Variants in NATD1 observed in about 807,000 individuals in gnomAD.
NATD1 encodes the protein protein NATD1.
In NATD1, 9 loss-of-function variants were observed where a neutral mutation model predicts 12.0. The ratio of observed to expected loss-of-function variants is 0.75; its 90% confidence interval spans 0.45 to 1.30. The LOEUF is 1.30. NATD1 is among the 50% of genes most tolerant of loss of function. NATD1 has a pLI of 0.00. For synonymous variants in NATD1, 71 were observed against 65.9 expected (o/e 1.08, Z -0.37); for missense variants, 148 against 148.5 (o/e 1.00, Z 0.02).
chr17:21,253,031 G>A, intron 1 of NATD1, 128 bp downstream of exon 1: 1 of 356,438 alleles, frequency 2.8e-6, no homozygotes. Flanking sequence ...GCTTGCAACA[G>A]CCTTCCCGGG....
Position 21,251,672 on chromosome 17 carries a change from C to T in NATD1, c.106+1487G>A, listed in dbSNP as rs1189026426. ...TCCCATCCACGAAGCTGTAGTGGGG[C>T]CTGGCTCGACACTCGGCACATTCCA... On this transcript the variant is annotated intron_variant, in intron 1 of 2. Transcript: ENST00000611551. Among the ~76,000 whole-genome samples the T allele has an allele frequency of 5.3e-5, 8 of 152,344 alleles. No individual in the cohort carries two copies. In the East Asian group the frequency reaches 1.5e-3, roughly 29 times the overall value.
intron 1 of NATD1, among the ~76,000 whole-genome samples, chr17:21,245,503 C>A (rs961775970): frequency 6.6e-6 from 1 of 152,206 alleles, no homozygotes; most frequent in Non-Finnish European, 1.5e-5. Flanking sequence ...CTGGGGCCAA[C>A]GGCAGCAAGG....
At chr17:21,246,016 C>G (rs936914210) in intron 1 of NATD1, among the ~76,000 whole-genome samples, 2 of 152,176 alleles carry the variant, frequency 1.3e-5, no homozygotes, top group Non-Finnish European at 2.9e-5. Context: ...GAGCAGAGAT[C>G]GGAGGCTATT....
chr17:21,250,128 T>A (rs1975361753), intron 1 of NATD1, among the ~76,000 whole-genome samples: 1 of 152,204 alleles, frequency 6.6e-6, no homozygotes, highest in Non-Finnish European at 1.5e-5. Context: ...CTCAGGACCC[T>A]CCTGGGAGCC....
intron 1 of NATD1, among the ~76,000 whole-genome samples, chr17:21,249,825 G>A (rs1975359647): frequency 6.6e-6 from 1 of 152,184 alleles, no homozygotes; most frequent in Non-Finnish European, 1.5e-5. Context: ...TGGCTTAGCT[G>A]CCTACAGGCT....
At chr17:21,249,252 G>A (rs1024338025) in intron 1 of NATD1, among the ~76,000 whole-genome samples, 3 of 152,184 alleles carry the variant, frequency 2.0e-5, no homozygotes, top group South Asian at 2.1e-4. Flanking sequence ...TGAGGTAGAC[G>A]GAGGCAGAGC....
intron 1 of NATD1, among the ~76,000 whole-genome samples, chr17:21,251,298 A>AG (rs1567646531): frequency 6.6e-6 from 1 of 150,656 alleles, no homozygotes; most frequent in African/African-American, 2.4e-5. Context: ...AAAAAGAAAA[A>AG]AAAAAAAAAA....
rs1306156485 is a variant in NATD1, at chr17:21,242,173, G to A, written c.*1140C>T. On this transcript the variant is annotated 3_prime_UTR_variant, in exon 3 of 3. Coordinates refer to ENST00000611551, the MANE Select transcript of NATD1 (RefSeq NM_152914.3). ...TCCTTGTTAGCACTGACACAAGAGGGCGGGACCTGAGTCAGCCCCAGGGGA... is the reference window on the plus strand; with the variant it reads ...TCCTTGTTAGCACTGACACAAGAGGACGGGACCTGAGTCAGCCCCAGGGGA... 6.6e-6 allele frequency: 1 copy of A among 152,318 alleles called. No homozygotes were observed. Among genetic ancestry groups the A allele is most frequent in the Non-Finnish European group, 1.5e-5 (1 of 68,122 alleles). 9.4% of individuals were successfully genotyped at this position (152,318 alleles called of 1,614,324 possible).
At chr17:21,246,993 C>T (rs965715814) in intron 1 of NATD1, among the ~76,000 whole-genome samples, 3 of 152,130 alleles carry the variant, frequency 2.0e-5, no homozygotes, top group African/African-American at 7.2e-5. Context: ...CCCTGCAAGC[C>T]ACCAAAAAAA....
Position 21,243,229 on chromosome 17 carries a change from G to A in NATD1, c.*84C>T. ...ATAACTCTGAGTCTGTTCCCAGTGG[G>A]ACCAGGTTCCTGAGAGCACGTGGGG... On this transcript the variant is annotated 3_prime_UTR_variant, in exon 3 of 3. Transcript: ENST00000611551. 9.5e-7 allele frequency: 1 copy of A among 1,048,712 alleles called. No homozygotes were observed. Among genetic ancestry groups the A allele is most frequent in the Non-Finnish European group, 1.4e-6 (1 of 704,448 alleles). 65.0% of individuals were successfully genotyped at this position (1,048,712 alleles called of 1,614,324 possible). A position where few individuals can be genotyped will look rare whatever the true frequency, so the allele number is the denominator to read the frequency against.
Position 21,239,751 on chromosome 17 carries a change from T to C in NATD1, c.*3562A>G, listed in dbSNP as rs1975248975. ...TTGCAGTGAGCTGAGATCGCACCTC[T>C]GCACTCCAGCCTGGGCGACAGAGCA... On this transcript the variant is annotated 3_prime_UTR_variant, in exon 3 of 3. Transcript: ENST00000611551. 1 of 152,228 alleles carries C rather than the reference T, an allele frequency of 6.6e-6. No individual in the cohort carries two copies. The highest frequency in any genetic ancestry group is 1.5e-5 in the Non-Finnish European group (1 of 68,064). 9.4% of individuals were successfully genotyped at this position (152,228 alleles called of 1,614,324 possible). A position where few individuals can be genotyped will look rare whatever the true frequency, so the allele number is the denominator to read the frequency against.
Position 21,244,086 on chromosome 17 carries a change from C to A in NATD1, c.225+20G>T. ...CCCATGTCCCCGTCCCCGCTTGGCCCTGCCACCTGCCTGCCCTACCTTGGC... is the reference window on the plus strand; with the variant it reads ...CCCATGTCCCCGTCCCCGCTTGGCCATGCCACCTGCCTGCCCTACCTTGGC... On this transcript the variant is annotated intron_variant, in intron 2 of 2. Coordinates refer to ENST00000611551, the MANE Select transcript of NATD1 (RefSeq NM_152914.3). This position sits in a 1 kb window ranked among gnomAD's most constrained non-coding sequence, Gnocchi z 5.2. 6.2e-7 allele frequency: 1 copy of A among 1,601,160 alleles called. No individual in the cohort carries two copies. The highest frequency in any genetic ancestry group is 8.5e-7 in the Non-Finnish European group (1 of 1,172,688).
chr17:21,245,642 G>A (rs921148332), intron 1 of NATD1, among the ~76,000 whole-genome samples: 1 of 152,178 alleles, frequency 6.6e-6, no homozygotes, highest in African/African-American at 2.4e-5. Flanking sequence ...AGCAGGCCAA[G>A]ATGACGCTGG....
Position 21,244,060 on chromosome 17 carries a change from C to T in NATD1, c.225+46G>A. Reference sequence around the variant, plus strand: ...GTCTCCTCGGAGCGAAGGTGGCAGCCCCCATGTCCCCGTCCCCGCTTGGCC... The same window carrying T: ...GTCTCCTCGGAGCGAAGGTGGCAGCTCCCATGTCCCCGTCCCCGCTTGGCC... On this transcript the variant is annotated intron_variant, in intron 2 of 2. Coordinates refer to ENST00000611551, the MANE Select transcript of NATD1 (RefSeq NM_152914.3). This position sits in a 1 kb window ranked among gnomAD's most constrained non-coding sequence, Gnocchi z 5.2. The T allele has an allele frequency of 6.5e-7, 1 of 1,534,920 alleles. No homozygotes were observed. The highest frequency in any genetic ancestry group is 1.8e-4 in the Middle Eastern group (1 of 5,550).
Position 21,244,018 on chromosome 17 carries a change from T to C in NATD1, c.225+88A>G. ...CCCAGGGCCAAGAAGCAGGCTGAAG[T>C]GGCCACCAGGGCCACCGTCTCCTCG... On this transcript the variant is annotated intron_variant, in intron 2 of 2. Transcript: ENST00000611551. The surrounding 1 kb of genome is among the most constrained non-coding windows in gnomAD (Gnocchi z 5.2). The C allele has an allele frequency of 8.3e-7, 1 of 1,208,878 alleles. No homozygotes were observed. Among genetic ancestry groups the C allele is most frequent in the Non-Finnish European group, 1.2e-6 (1 of 862,576 alleles). 74.9% of individuals were successfully genotyped at this position (1,208,878 alleles called of 1,614,324 possible).
At chr17:21,253,065 G>T in intron 1 of NATD1, 94 bp downstream of exon 1, 1 of 607,392 alleles carries the variant, frequency 1.6e-6, no homozygotes, top group Non-Finnish European at 2.1e-6. Flanking sequence ...CCGGGCCGCG[G>T]GCGCGCGGGG....
rs535407021 is a variant in NATD1, at chr17:21,240,096, C to G, written c.*3217G>C. 2.6e-5 allele frequency: 4 copies of G among 152,422 alleles called. No homozygotes were observed. Among genetic ancestry groups the G allele is most frequent in the Non-Finnish European group, 4.4e-5 (3 of 68,062 alleles). The allele number at this position is 152,422 out of a possible 1,614,324, so 9.4% of individuals were successfully genotyped here. On this transcript the variant is annotated 3_prime_UTR_variant, in exon 3 of 3. Transcript: ENST00000611551. Reference sequence around the variant, plus strand: ...GATCTCATGCATGGCATCACTGCCCCTTCCCTAGGAGACCGCACAAAGCCA... The same window carrying G: ...GATCTCATGCATGGCATCACTGCCCGTTCCCTAGGAGACCGCACAAAGCCA...
At chr17:21,249,845 G>A (rs1005758902) in intron 1 of NATD1, among the ~76,000 whole-genome samples, 7 of 152,178 alleles carry the variant, frequency 4.6e-5, no homozygotes, top group African/African-American at 1.7e-4. Context: ...TGTGCGCCTT[G>A]GTTTCCCCAT....
intron 1 of NATD1, among the ~76,000 whole-genome samples, chr17:21,252,646 T>A (rs1975388251): frequency 6.6e-6 from 1 of 150,518 alleles, no homozygotes; most frequent in Admixed American, 6.6e-5. Flanking sequence ...TCCGCAGGCC[T>A]CCCCCGTGTA....
Sources: allele counts gnomAD v4.1 joint callset (sites outside exome capture counted in the v4.1 genomes callset), GRCh38; gene constraint gnomAD v4.1.1; non-coding constraint Gnocchi (gnomAD v3.1); transcripts MANE v1.5; gene names NCBI Gene and HGNC (gene_info 2026-07-23, HGNC 2026-07-21).